PLAC8: variants seen among roughly 807,000 people sequenced by gnomAD.
PLAC8 encodes placenta associated 8.
PLAC8 carries 6 observed loss-of-function variants against 12.6 expected under a neutral mutation model. The ratio of observed to expected loss-of-function variants is 0.48; its 90% confidence interval spans 0.26 to 0.94. The LOEUF is 0.94. Among genes scored for constraint, PLAC8 ranks in the 40% least tolerant of loss-of-function variants. PLAC8 has a pLI of 0.14. For missense variants in PLAC8, 122 were observed against 152.7 expected (o/e 0.80, Z 1.06); for synonymous variants, 54 against 52.6 (o/e 1.03, Z -0.11).
At chr4:83,108,689 G>C (rs140748811) in intron 1 of PLAC8, among the ~76,000 whole-genome samples, 1 of 152,166 alleles carries the variant, frequency 6.6e-6, no homozygotes, top group Non-Finnish European at 1.5e-5. Context: ...AGTGTTGCTC[G>C]TGTACTGTTT....
chr4:83,107,779 G>A (rs1732294531), intron 2 of PLAC8, 25 bp downstream of exon 2: 1 of 1,418,424 alleles, frequency 7.1e-7, no homozygotes, highest in African/African-American at 1.4e-5. Flanking sequence ...TATCAAATAA[G>A]GGGGTTCTTT....
At chr4:83,106,707 C>G (rs1301135523) in intron 2 of PLAC8, among the ~76,000 whole-genome samples, 1 of 152,072 alleles carries the variant, frequency 6.6e-6, no homozygotes, top group Non-Finnish European at 1.5e-5. Flanking sequence ...TATTTTCTTG[C>G]CTTAGAGTAC....
At chr4:83,098,279 G>A (rs988861024) in intron 3 of PLAC8, among the ~76,000 whole-genome samples, 3 of 152,174 alleles carry the variant, frequency 2.0e-5, no homozygotes, top group African/African-American at 7.2e-5. Context: ...TAAACAAGTT[G>A]GCCAAGAGCT....
At chr4:83,112,863 G>A (rs1408537258) in intron 1 of PLAC8, among the ~76,000 whole-genome samples, 1 of 152,180 alleles carries the variant, frequency 6.6e-6, no homozygotes, top group Non-Finnish European at 1.5e-5. Flanking sequence ...AGCCATTCAA[G>A]GTAAAAGGTC....
chr4:83,102,115 T>A (rs1006074841), intron 3 of PLAC8, among the ~76,000 whole-genome samples: 7 of 145,722 alleles, frequency 4.8e-5, no homozygotes, highest in Admixed American at 1.4e-4. Context: ...TCTTATTATT[T>A]AAAAAAAAAA....
At position 83,090,629 on chromosome 4, in the gene PLAC8, C is replaced by G. The variant is rs1274860215; in HGVS notation, c.*352G>C. On this transcript the variant is annotated 3_prime_UTR_variant, in exon 5 of 5. Transcript: ENST00000311507. Reference sequence around the variant, plus strand: ...TATAAGAACAAAATTATGAGACTGACCCTTGGAACTAACTAGTGAAAAAGA... The same window carrying G: ...TATAAGAACAAAATTATGAGACTGAGCCTTGGAACTAACTAGTGAAAAAGA... 1 of 148,192 alleles carries G rather than the reference C, an allele frequency of 6.7e-6. No individual in the cohort carries two copies. The allele number at this position is 148,192 out of a possible 1,614,324, so 9.2% of individuals were successfully genotyped here. A position where few individuals can be genotyped will look rare whatever the true frequency, so the allele number is the denominator to read the frequency against.
chr4:83,091,026 A>G (rs182029597), intron 4 of PLAC8, 55 bp from the exon 5 acceptor site: 1 of 152,310 alleles, frequency 6.6e-6, no homozygotes, highest in East Asian at 1.9e-4. Flanking sequence ...TATAATTTTT[A>G]ATAAACTTTT....
At chr4:83,101,578 C>G (rs758484537) in intron 3 of PLAC8, among the ~76,000 whole-genome samples, 2 of 152,198 alleles carry the variant, frequency 1.3e-5, no homozygotes, top group South Asian at 4.1e-4. Context: ...AAGGTGGCTA[C>G]GCTAAAAAAC....
intron 3 of PLAC8, among the ~76,000 whole-genome samples, chr4:83,101,305 G>A (rs1346584851): frequency 1.3e-5 from 2 of 152,146 alleles, no homozygotes; most frequent in South Asian, 2.1e-4. Flanking sequence ...GCTTGAACCC[G>A]GGAGGCAGAG....
At chr4:83,101,115 C>T (rs1390512532) in intron 3 of PLAC8, among the ~76,000 whole-genome samples, 1 of 152,290 alleles carries the variant, frequency 6.6e-6, no homozygotes, top group East Asian at 1.9e-4. Context: ...CGTGGTGGCT[C>T]ATGCCTATAA....
At chr4:83,111,693 T>C (rs745829577) in intron 1 of PLAC8, among the ~76,000 whole-genome samples, 3 of 152,214 alleles carry the variant, frequency 2.0e-5, no homozygotes, top group African/African-American at 7.2e-5. Context: ...TTTAATATAA[T>C]AACAGCAATC....
intron 3 of PLAC8, among the ~76,000 whole-genome samples, chr4:83,095,701 CA>C (rs1035325495): frequency 6.6e-5 from 10 of 152,216 alleles, no homozygotes; most frequent in African/African-American, 2.4e-4. Context: ...AGTAGCAATA[CA>C]AGTGTGTGAT....
intron 3 of PLAC8, among the ~76,000 whole-genome samples, chr4:83,103,530 G>A (rs1422212974): frequency 3.3e-5 from 5 of 152,204 alleles, no homozygotes; most frequent in Non-Finnish European, 7.3e-5. Flanking sequence ...GCCGTAACAG[G>A]GTTTGAGAGG....
At chr4:83,114,099 C>T (rs1350132773) in intron 1 of PLAC8, among the ~76,000 whole-genome samples, 1 of 151,436 alleles carries the variant, frequency 6.6e-6, no homozygotes, top group Non-Finnish European at 1.5e-5. Flanking sequence ...GAAACATTTC[C>T]ATTTCATAAT....
intron 1 of PLAC8, among the ~76,000 whole-genome samples, chr4:83,114,028 T>A (rs868628517): frequency 1.5e-4 from 23 of 150,894 alleles, no homozygotes; most frequent in African/African-American, 5.6e-4. Flanking sequence ...ACTAGACATA[T>A]TATTGAGATT....
chr4:83,099,920 T>C (rs1259283486), intron 3 of PLAC8, among the ~76,000 whole-genome samples: 2 of 149,464 alleles, frequency 1.3e-5, no homozygotes, highest in Non-Finnish European at 3.0e-5. Context: ...GCAGGAAAAT[T>C]GCTTGAACCT....
At chr4:83,102,591 A>T (rs902887096) in intron 3 of PLAC8, among the ~76,000 whole-genome samples, 4 of 152,106 alleles carry the variant, frequency 2.6e-5, no homozygotes, top group Non-Finnish European at 5.9e-5. Flanking sequence ...TCAAAATATC[A>T]ACAGTAAAGG....
chr4:83,111,260 C>T (rs921297444), intron 1 of PLAC8, among the ~76,000 whole-genome samples: 3 of 152,302 alleles, frequency 2.0e-5, no homozygotes, highest in African/African-American at 7.2e-5. Context: ...TAAGCCACCA[C>T]CCATGGCCGA....
At chr4:83,091,646 T>C (rs1731809491) in intron 4 of PLAC8, among the ~76,000 whole-genome samples, 2 of 152,146 alleles carry the variant, frequency 1.3e-5, no homozygotes, top group Non-Finnish European at 2.9e-5. Flanking sequence ...ATGCTGTACT[T>C]TTTGGAAGGA....
Sources: gnomAD v4.1 joint callset for allele counts (sites outside exome capture counted in the v4.1 genomes callset) on GRCh38, gnomAD v4.1.1 for gene constraint, MANE v1.5 for transcripts, NCBI Gene and HGNC (gene_info 2026-07-23, HGNC 2026-07-21) for gene names.